Variants in SKAP2 observed in about 807,000 individuals in gnomAD.
The protein encoded by SKAP2 is src kinase-associated phosphoprotein 2.
Under a neutral mutation model 54.9 loss-of-function variants are expected in SKAP2, and 28 were observed. The ratio of observed to expected loss-of-function variants is 0.51; its 90% CI spans 0.38 to 0.70. The LOEUF is 0.70. Ranked by LOEUF, SKAP2 falls within the 30% of genes least tolerant of loss-of-function variation. The pLI is 0.00. For synonymous variants in SKAP2, 137 were observed against 134.3 expected (o/e 1.02, Z -0.14); for missense variants, 356 against 424.1 (o/e 0.84, Z 1.41).
intron 4 of SKAP2, among the ~76,000 whole-genome samples, chr7:26,826,751 A>C (rs1784500048): frequency 6.6e-6 from 1 of 152,164 alleles, no homozygotes. Context: ...GTCTCTACTA[A>C]TCTATAAATA....
chr7:26,828,533 C>T (rs562641685), intron 4 of SKAP2, among the ~76,000 whole-genome samples: 104 of 150,884 alleles, frequency 6.9e-4, no homozygotes, highest in African/African-American at 2.5e-3. Flanking sequence ...AAAAATTAGC[C>T]GGGCGTGGTG....
At chr7:26,859,342 C>G (rs1181097490) in intron 1 of SKAP2, among the ~76,000 whole-genome samples, 1 of 150,638 alleles carries the variant, frequency 6.6e-6, no homozygotes, top group Non-Finnish European at 1.5e-5. Context: ...TACTGATAAA[C>G]ATAAAAATCA....
chr7:26,854,807 T>G lies in SKAP2; in HGVS notation c.151A>C (p.Lys51Gln). The G allele has an allele frequency of 1.2e-6, 2 of 1,600,898 alleles. No homozygotes were observed. The highest frequency in any genetic ancestry group is 1.7e-6 in the Non-Finnish European group (2 of 1,171,138). ...TACATAGACTTTACATCTTTTATCT[T>G]CTTAATAAGGGATTCTCTCTTTTCC... is the stretch of plus-strand genomic sequence containing the variant. Reference protein sequence around the residue: ...AKEKRESLIKKIKDVKSIYLQ... With the variant: ...AKEKRESLIKQIKDVKSIYLQ... The change falls in exon 2 of 13, where the codon AAG becomes CAG. Residue 51 changes from lysine to glutamine, a missense_variant. Physicochemically the swap from Lys to Gln is moderately conservative, Grantham distance 53. Coordinates refer to ENST00000345317, the MANE Select transcript of SKAP2 (RefSeq NM_003930.5).
At chr7:26,795,487 T>C (rs1447290458) in intron 4 of SKAP2, among the ~76,000 whole-genome samples, 1 of 152,206 alleles carries the variant, frequency 6.6e-6, no homozygotes, top group Non-Finnish European at 1.5e-5. Flanking sequence ...AACCTCATTT[T>C]GATAACTTTA....
At chr7:26,839,599 T>A (rs182606360) in intron 4 of SKAP2, among the ~76,000 whole-genome samples, 35 of 152,050 alleles carry the variant, frequency 2.3e-4, no homozygotes, top group Admixed American at 7.2e-4. Context: ...TATTGAAAAA[T>A]TTTTTTTCTA....
At chr7:26,696,493 G>T in intron 9 of SKAP2, among the ~76,000 whole-genome samples, 1 of 152,154 alleles carries the variant, frequency 6.6e-6, no homozygotes, top group East Asian at 1.9e-4. Context: ...GGAAGACAAT[G>T]AGATAACCAG....
chr7:26,823,451 A>G (rs1215782776), intron 4 of SKAP2, among the ~76,000 whole-genome samples: 3 of 149,666 alleles, frequency 2.0e-5, no homozygotes, highest in Non-Finnish European at 4.5e-5. Context: ...AAAAACAAGC[A>G]AAAAGCAAAA....
chr7:26,841,034 A>C (rs1784806553), intron 4 of SKAP2, among the ~76,000 whole-genome samples: 1 of 152,080 alleles, frequency 6.6e-6, no homozygotes, highest in African/African-American at 2.4e-5. Context: ...TCTAGTAATC[A>C]ATAAGGTACT....
chr7:26,706,610 AGAT>A (rs1259233207), intron 9 of SKAP2, among the ~76,000 whole-genome samples: 1 of 152,184 alleles, frequency 6.6e-6, no homozygotes, highest in Admixed American at 6.5e-5. Context: ...AGTTTCTTTG[AGAT>A]GATATTCTCT....
intron 9 of SKAP2, among the ~76,000 whole-genome samples, chr7:26,693,990 A>G (rs1461842719): frequency 2.0e-5 from 3 of 152,170 alleles, no homozygotes; most frequent in African/African-American, 7.2e-5. Flanking sequence ...ATACAAATAA[A>G]TCTTAACATA....
the SKAP2 span, among the ~76,000 whole-genome samples, chr7:26,659,976 T>C: frequency 6.6e-6 from 1 of 152,046 alleles, no homozygotes; most frequent in South Asian, 2.1e-4. Context: ...TGCTTTACCC[T>C]TTTCTTCAAA....
At chr7:26,776,008 A>G (rs1409817621) in intron 4 of SKAP2, among the ~76,000 whole-genome samples, 2 of 152,060 alleles carry the variant, frequency 1.3e-5, no homozygotes, top group Admixed American at 6.6e-5. Context: ...TTCTGCACAT[A>G]CTGCTCCATG....
chr7:26,719,185 A>C (rs774129171), intron 9 of SKAP2, among the ~76,000 whole-genome samples: 17 of 152,196 alleles, frequency 1.1e-4, no homozygotes, highest in Non-Finnish European at 2.5e-4. Flanking sequence ...TAAAAAGAAA[A>C]AAAAGAAATC....
At chr7:26,798,416 A>G (rs974791643) in intron 4 of SKAP2, among the ~76,000 whole-genome samples, 3 of 152,054 alleles carry the variant, frequency 2.0e-5, no homozygotes, top group African/African-American at 7.2e-5. Flanking sequence ...GGCATACTGA[A>G]GAAGGCATCA....
Position 26,667,696 on chromosome 7 carries a change from G to A in SKAP2, c.*1970C>T, listed in dbSNP as rs1786131645. On this transcript the variant is annotated 3_prime_UTR_variant, in exon 13 of 13. Transcript: ENST00000345317. The stretch of plus-strand genomic sequence containing the variant: ...AGAAATCTAGATGCTTTCCATCATG[G>A]GCGAGTTTGTGCCATGGGGGAAGGG... 1 of 152,588 alleles carries A rather than the reference G, an allele frequency of 6.6e-6. No homozygotes were observed. Among genetic ancestry groups the A allele is most frequent in the African/African-American group, 2.4e-5 (1 of 41,420 alleles). The allele number at this position is 152,588 out of a possible 1,614,324, so 9.5% of individuals were successfully genotyped here. A position where few individuals can be genotyped will look rare whatever the true frequency, so the allele number is the denominator to read the frequency against.
At chr7:26,810,122 G>A (rs915427382) in intron 4 of SKAP2, among the ~76,000 whole-genome samples, 2 of 152,040 alleles carry the variant, frequency 1.3e-5, no homozygotes, top group Admixed American at 6.6e-5. Flanking sequence ...GATCACTTGA[G>A]GCCAGGAGTT....
At chr7:26,709,691 T>C (rs919109625) in intron 9 of SKAP2, among the ~76,000 whole-genome samples, 5 of 152,134 alleles carry the variant, frequency 3.3e-5, no homozygotes, top group Non-Finnish European at 7.4e-5. Flanking sequence ...GTTTTAAAAA[T>C]CCTAACTATG....
intron 6 of SKAP2, 94 bp from the exon 7 acceptor site, chr7:26,727,100 A>G: frequency 9.3e-7 from 1 of 1,079,216 alleles, no homozygotes; most frequent in Non-Finnish European, 1.3e-6. Context: ...CTTGGAAATA[A>G]CATTTTTTGG....
chr7:26,749,573 C>A (rs899671074), intron 4 of SKAP2, among the ~76,000 whole-genome samples: 58 of 151,778 alleles, frequency 3.8e-4, no homozygotes, highest in African/African-American at 1.3e-3. Context: ...CACAGCAACA[C>A]CCCATCTCTA....
Sources: allele counts gnomAD v4.1 joint callset (sites outside exome capture counted in the v4.1 genomes callset), GRCh38; gene constraint gnomAD v4.1.1; transcripts MANE v1.5; gene names NCBI Gene and HGNC (gene_info 2026-07-23, HGNC 2026-07-21).